The following RXFP1 variants were observed in gnomAD, a reference collection of about 807,000 sequenced individuals.
The protein encoded by RXFP1 is relaxin family peptide receptor 1, also known as relaxin receptor 1.
In RXFP1, 73 loss-of-function variants were observed where a neutral mutation model predicts 89.8. The observed-to-expected ratio is 0.81, with a 90% confidence interval of 0.67 to 0.99. The LOEUF is 0.99. RXFP1 is among the 50% of genes least tolerant of loss of function. RXFP1 has a pLI of 0.00. For synonymous variants in RXFP1, 277 were observed against 305.5 expected, an observed-to-expected ratio of 0.91 and a Z score of 0.97; for missense variants, 793 against 895.5, an observed-to-expected ratio of 0.89 and a Z score of 1.46.
chr4:158,585,729 T>C (rs1579835634), intron 2 of RXFP1, among the ~76,000 whole-genome samples: 2 of 152,054 alleles, frequency 1.3e-5, no homozygotes. Flanking sequence ...CAAAAATACA[T>C]AGGTAAAAAA....
intron 1 of RXFP1, among the ~76,000 whole-genome samples, chr4:158,566,701 A>C (rs1753627715): frequency 6.6e-6 from 1 of 152,268 alleles, no homozygotes; most frequent in South Asian, 2.1e-4. Flanking sequence ...AAAATATTTA[A>C]GATTCCTGAT....
At chr4:158,611,551 C>G (rs1003384737) in intron 6 of RXFP1, among the ~76,000 whole-genome samples, 1 of 152,158 alleles carries the variant, frequency 6.6e-6, no homozygotes, top group Non-Finnish European at 1.5e-5. Flanking sequence ...GACTCTCATA[C>G]CTCTTGCTTT....
intron 2 of RXFP1, among the ~76,000 whole-genome samples, chr4:158,577,920 C>T (rs1175964783): frequency 6.6e-6 from 1 of 152,112 alleles, no homozygotes; most frequent in Non-Finnish European, 1.5e-5. Context: ...TGTAATTAAA[C>T]ACTTTATTAA....
chr4:158,546,226 T>C (rs531201022), intron 1 of RXFP1, among the ~76,000 whole-genome samples: 1 of 152,218 alleles, frequency 6.6e-6, no homozygotes, highest in South Asian at 2.1e-4. Context: ...TGAATGGGAG[T>C]TCATTCATGA....
chr4:158,622,988 T>A (rs1328081241), intron 9 of RXFP1, among the ~76,000 whole-genome samples: 1 of 152,184 alleles, frequency 6.6e-6, no homozygotes, highest in Non-Finnish European at 1.5e-5. Flanking sequence ...TTTAAAAGTA[T>A]GTCATGTAAT....
chr4:158,628,795 A>T, intron 11 of RXFP1, 86 bp downstream of exon 11: 1 of 609,012 alleles, frequency 1.6e-6, no homozygotes, highest in Non-Finnish European at 2.7e-6. Flanking sequence ...TACATTTAAG[A>T]AATATTACTT....
intron 8 of RXFP1, 47 bp downstream of exon 8, chr4:158,612,409 G>C: frequency 7.5e-7 from 1 of 1,333,726 alleles, no homozygotes; most frequent in South Asian, 1.3e-5. Context: ...GCAAAGACAT[G>C]AATAAAAATT....
chr4:158,544,632 G>A (rs1747750078), intron 1 of RXFP1, among the ~76,000 whole-genome samples: 1 of 151,208 alleles, frequency 6.6e-6, no homozygotes, highest in Admixed American at 6.6e-5. Flanking sequence ...GGAGTGTGAT[G>A]TTCCCCTTCC....
rs1455716936 is a variant in RXFP1 at position 158,647,060 on chromosome 4, G to A, written c.1615G>A (p.Gly539Ser). The A allele has an allele frequency of 6.2e-7, 1 of 1,614,036 alleles. No homozygotes were observed. Among genetic ancestry groups the A allele is most frequent in the Non-Finnish European group, 8.5e-7 (1 of 1,180,014 alleles). ...AGTTCTGATTCTCATTTGGATTACT[G>A]GTTTTATAGTGGCTTTCATTCCATT... ...ITVLILIWIT[G>S]FIVAFIPLSN... Residue 539 changes from glycine (G) to serine (S), a missense_variant, in exon 16 of 18, where the codon GGT becomes AGT. Coordinates refer to ENST00000307765, the MANE Select transcript of RXFP1 (RefSeq NM_021634.4).
At chr4:158,614,575 C>T (rs1162970431) in intron 8 of RXFP1, among the ~76,000 whole-genome samples, 2 of 152,340 alleles carry the variant, frequency 1.3e-5, no homozygotes, top group South Asian at 2.1e-4. Context: ...GCAGCTCCTT[C>T]ACCTCTCTCA....
At chr4:158,593,625 TAAA>T in intron 3 of RXFP1, 126 bp downstream of exon 3, 1 of 550,728 alleles carries the variant, frequency 1.8e-6, no homozygotes, top group East Asian at 3.1e-5. Flanking sequence ...TAAAGAAACT[TAAA>T]AATTCGTAAG....
chr4:158,576,959 T>G (rs1756367975), intron 2 of RXFP1, among the ~76,000 whole-genome samples: 1 of 152,088 alleles, frequency 6.6e-6, no homozygotes, highest in African/African-American at 2.4e-5. Flanking sequence ...AACTGAGTGG[T>G]TTTTTCCTTC....
intron 11 of RXFP1, among the ~76,000 whole-genome samples, chr4:158,633,133 A>G (rs546829721): frequency 6.6e-6 from 1 of 152,160 alleles, no homozygotes; most frequent in Admixed American, 6.6e-5. Flanking sequence ...TCGCACCACT[A>G]CACTCCAGCC....
intron 13 of RXFP1, 83 bp from the exon 14 acceptor site, chr4:158,639,177 A>G (rs368953058): frequency 1.3e-6 from 1 of 775,688 alleles, no homozygotes. Flanking sequence ...GCATTTTATT[A>G]AATTGTCCTT....
intron 1 of RXFP1, among the ~76,000 whole-genome samples, chr4:158,561,841 T>G (rs1208191842): frequency 1.3e-5 from 2 of 152,202 alleles, no homozygotes; most frequent in East Asian, 3.9e-4. Context: ...TTGGCCAGGC[T>G]GGTCTAGAAC....
chr4:158,610,552 T>C lies in RXFP1; in HGVS notation c.537-1578T>C, dbSNP rs118123855. On this transcript the variant is annotated intron_variant, in intron 6 of 17. Coordinates refer to ENST00000307765, the MANE Select transcript of RXFP1 (RefSeq NM_021634.4). ...ATATAAAACATTAGAGAACCATTTT[T>C]TAAAAGTACTTAAGTTCCAAACCTG... 8.2e-5 allele frequency: 41 copies of C among 502,404 alleles called. No individual in the cohort carries two copies. In the East Asian group the frequency reaches 2.3e-3, roughly 28 times the overall value. The allele number at this position is 502,404 out of a possible 1,614,324, so 31.1% of individuals were successfully genotyped here.
At chr4:158,579,889 G>A (rs1452178402) in intron 2 of RXFP1, among the ~76,000 whole-genome samples, 1 of 152,158 alleles carries the variant, frequency 6.6e-6, no homozygotes, top group African/African-American at 2.4e-5. Context: ...CGGGTGTTTT[G>A]TACTCTTTTA....
intron 1 of RXFP1, among the ~76,000 whole-genome samples, chr4:158,532,134 C>T (rs768209226): frequency 6.6e-6 from 1 of 151,900 alleles, no homozygotes; most frequent in African/African-American, 2.4e-5. Context: ...TCCTTTTGTG[C>T]GTGTTTACCC....
chr4:158,546,389 T>C (rs919483668), intron 1 of RXFP1, among the ~76,000 whole-genome samples: 1 of 152,210 alleles, frequency 6.6e-6, no homozygotes, highest in African/African-American at 2.4e-5. Context: ...AATCATGTCA[T>C]CTGCAAACAG....
Sources: gnomAD v4.1 joint callset for allele counts (sites outside exome capture counted in the v4.1 genomes callset) on GRCh38, gnomAD v4.1.1 for gene constraint, MANE v1.5 for transcripts, NCBI Gene and HGNC (gene_info 2026-07-23, HGNC 2026-07-21) for gene names.